Variants in PAK3 observed in about 807,000 individuals in gnomAD.
PAK3 encodes the protein p21 (RAC1) activated kinase 3.
Under a neutral mutation model 41.0 loss-of-function variants are expected in PAK3, and 4 were observed. The ratio of observed to expected loss-of-function variants is 0.10; its 90% CI spans 0.05 to 0.22. PAK3 has a LOEUF of 0.22. PAK3 is among the 10% of genes least tolerant of loss of function. The pLI is 1.00. For synonymous variants in PAK3, 146 were observed against 139.6 expected, an observed-to-expected ratio of 1.05 and a Z score of -0.32; for missense variants, 205 against 409.9, an observed-to-expected ratio of 0.50 and a Z score of 4.32.
chrX:111,108,418 C>T (rs1385362153), intron 4 of PAK3, among the ~76,000 whole-genome samples: 1 of 112,130 alleles, frequency 8.9e-6, no homozygotes, highest in Non-Finnish European at 1.9e-5. Context: ...GACTGCAGAC[C>T]AGTGCTGGTC....
chrX:111,127,784 G>A (rs1240651990), intron 5 of PAK3, among the ~76,000 whole-genome samples: 1 of 111,255 alleles, frequency 9.0e-6, no homozygotes, highest in African/African-American at 3.3e-5. Context: ...TTTCTGCCAG[G>A]CTCCATTTCG....
chrX:110,993,288 ACACTT>A (rs1488957302), intron 1 of PAK3, among the ~76,000 whole-genome samples: 1 of 111,479 alleles, frequency 9.0e-6, no homozygotes, highest in East Asian at 2.8e-4. Context: ...CTGTGAAGCC[ACACTT>A]CCCCTATTTT....
At chrX:111,215,923 C>G (rs2094875164) in intron 16 of PAK3, among the ~76,000 whole-genome samples, 1 of 112,103 alleles carries the variant, frequency 8.9e-6, no homozygotes, top group Non-Finnish European at 1.9e-5. Context: ...TTGTACTTCC[C>G]TAATTCTATA....
At chrX:111,176,673 C>T (rs2149258704) in intron 11 of PAK3, among the ~76,000 whole-genome samples, 1 of 110,421 alleles carries the variant, frequency 9.1e-6, no homozygotes, top group South Asian at 3.9e-4. Context: ...ATTGGCCTCA[C>T]CACATCTGAT....
At chrX:111,017,405 CA>C (rs1245322458) in intron 1 of PAK3, among the ~76,000 whole-genome samples, 1 of 111,161 alleles carries the variant, frequency 9.0e-6, no homozygotes, top group Non-Finnish European at 1.9e-5. Flanking sequence ...GAAATGAAAG[CA>C]CAGACATTAC....
intron 1 of PAK3, among the ~76,000 whole-genome samples, chrX:111,051,837 A>G (rs187250586): frequency 1.4e-3 from 156 of 112,509 alleles, no homozygotes; most frequent in Non-Finnish European, 2.3e-3. Context: ...AGTCTTATGA[A>G]TACTAGACAG....
intron 16 of PAK3, among the ~76,000 whole-genome samples, chrX:111,205,182 C>G (rs1383446527): frequency 3.6e-5 from 4 of 110,434 alleles, no homozygotes; most frequent in Non-Finnish European, 7.6e-5. Flanking sequence ...CCAGTAGGCT[C>G]CACAATGCCC....
intron 1 of PAK3, among the ~76,000 whole-genome samples, chrX:110,962,279 A>G (rs146658619): frequency 0.022 from 2,422 of 111,833 alleles, 66 homozygotes; most frequent in African/African-American, 0.074. Context: ...ACCAAACCAG[A>G]AAGCGGAGTC....
chrX:111,009,470 G>A (rs1257728767), intron 1 of PAK3, among the ~76,000 whole-genome samples: 4 of 89,909 alleles, frequency 4.4e-5, no homozygotes, highest in African/African-American at 1.5e-4. Context: ...ACAGCACAAT[G>A]TCAGCTGCCC....
At chrX:111,015,848 T>C (rs2092081772) in intron 1 of PAK3, among the ~76,000 whole-genome samples, 1 of 112,283 alleles carries the variant, frequency 8.9e-6, no homozygotes, top group Admixed American at 9.5e-5. Flanking sequence ...GTTCTTTATA[T>C]ATTCTGGATA....
chrX:110,957,071 C>T (rs1007374955), intron 1 of PAK3, among the ~76,000 whole-genome samples: 2 of 111,703 alleles, frequency 1.8e-5, no homozygotes, highest in African/African-American at 6.5e-5. Flanking sequence ...TCATTGGATT[C>T]CCCAATGTTT....
intron 8 of PAK3, among the ~76,000 whole-genome samples, chrX:111,160,640 C>G (rs78518402): frequency 9.2e-6 from 1 of 108,124 alleles, no homozygotes; most frequent in East Asian, 2.9e-4. Context: ...CAACAGTCCC[C>G]GGTGTGTGAT....
intron 1 of PAK3, among the ~76,000 whole-genome samples, chrX:110,992,145 A>G (rs2091661313): frequency 9.0e-6 from 1 of 110,690 alleles, no homozygotes; most frequent in African/African-American, 3.3e-5. Flanking sequence ...TTTTGAATCC[A>G]GCCCTAAAGG....
At chrX:111,215,995 A>G (rs2094875975) in intron 16 of PAK3, among the ~76,000 whole-genome samples, 1 of 112,378 alleles carries the variant, frequency 8.9e-6, no homozygotes, top group African/African-American at 3.2e-5. Context: ...AGCACTTAGC[A>G]AATTACAATT....
At chrX:111,027,214 G>A (rs1278134628) in intron 1 of PAK3, among the ~76,000 whole-genome samples, 1 of 31,062 alleles carries the variant, frequency 3.2e-5, no homozygotes, top group Non-Finnish European at 7.4e-5. Flanking sequence ...GATTCTAGAA[G>A]ATTACATTTA....
At chrX:111,078,256 T>G (rs113745739) in intron 1 of PAK3, among the ~76,000 whole-genome samples, 1,680 of 110,335 alleles carry the variant, frequency 0.015, 48 homozygotes, top group African/African-American at 0.052. Context: ...CATAGTTTTT[T>G]TTTTGTTTTG....
intron 1 of PAK3, among the ~76,000 whole-genome samples, chrX:110,945,864 G>A (rs1602490157): frequency 8.9e-6 from 1 of 111,872 alleles, no homozygotes; most frequent in South Asian, 3.8e-4. Context: ...TTTTAATAAA[G>A]CATTGTTTTT....
chrX:111,206,634 G>A lies in PAK3; in HGVS notation c.1408-9787G>A, dbSNP rs1458455178. Among the ~76,000 whole-genome samples, 6 of 111,785 alleles carry A rather than the reference G, an allele frequency of 5.4e-5. No homozygotes were observed. The South Asian group carries it at 2.3e-3, about 42-fold the overall frequency. ...ATTAAACAACAAAACAATAACAATT[G>A]TCCCTCATAATTTAGTGACCAGTGA... On this transcript the variant is annotated intron_variant, in intron 16 of 17. Transcript: ENST00000372007.
At chrX:111,082,056 A>G (rs2092838924) in intron 1 of PAK3, among the ~76,000 whole-genome samples, 1 of 112,393 alleles carries the variant, frequency 8.9e-6, no homozygotes, top group South Asian at 3.7e-4. Flanking sequence ...ACAATGAAAA[A>G]TTACGAAGAA....
Sources: allele counts gnomAD v4.1 joint callset (sites outside exome capture counted in the v4.1 genomes callset), GRCh38; gene constraint gnomAD v4.1.1; transcripts MANE v1.5; gene names NCBI Gene and HGNC (gene_info 2026-07-23, HGNC 2026-07-21).